Variants in RASGRP1 observed in about 807,000 individuals in gnomAD.
RASGRP1 encodes the protein RAS guanyl-releasing protein 1.
A neutral mutation model predicts 95.1 loss-of-function variants in RASGRP1; 37 were observed. The ratio of observed to expected loss-of-function variants is 0.39; its 90% CI spans 0.30 to 0.51. The LOEUF (loss-of-function observed/expected upper bound fraction) is 0.51. Among genes scored for constraint, RASGRP1 ranks in the 20% least tolerant of loss-of-function variants. The pLI is 0.80. For missense variants in RASGRP1, 711 were observed against 965.4 expected, an observed-to-expected ratio of 0.74 and a Z score of 3.49; for synonymous variants, 325 against 353.4, an observed-to-expected ratio of 0.92 and a Z score of 0.90.
In RASGRP1 at chr15:38,501,167, A is replaced by C. The variant is rs371852536; in HGVS notation, c.1659T>G (p.Thr553=). The change falls in exon 13 of 17, where the codon ACT becomes ACG. Residue 553 remains threonine (T), a synonymous_variant. Transcript: ENST00000310803. ...CAAATCCAGCACAGTTGTCACAAAAAGTGGGCTTCAGGTAGGTGGTCTCTT... is the reference window on the plus strand; with the variant it reads ...CAAATCCAGCACAGTTGTCACAAAACGTGGGCTTCAGGTAGGTGGTCTCTT... ...NFQETTYLKP[T]FCDNCAGFLW... 9 of 1,609,552 alleles carry C rather than the reference A, an allele frequency of 5.6e-6. No homozygotes were observed. The Admixed American group carries it at 6.7e-5, about 12-fold the overall frequency.
intron 15 of RASGRP1, among the ~76,000 whole-genome samples, chr15:38,496,588 C>T (rs1890799742): frequency 6.6e-6 from 1 of 152,158 alleles, no homozygotes; most frequent in Non-Finnish European, 1.5e-5. Context: ...CTATTTTTCA[C>T]AATGGTGTTT....
chr15:38,514,290 C>T (rs1225286935), intron 6 of RASGRP1, among the ~76,000 whole-genome samples: 1 of 152,038 alleles, frequency 6.6e-6, no homozygotes, highest in Non-Finnish European at 1.5e-5. Context: ...AAAATCGCTC[C>T]TTAAGAGAGA....
At chr15:38,505,149 A>G (rs530111189) in intron 10 of RASGRP1, among the ~76,000 whole-genome samples, 34 of 152,064 alleles carry the variant, frequency 2.2e-4, no homozygotes, top group Non-Finnish European at 4.4e-4. Context: ...AGTGTGGGCA[A>G]CTCTCTTCCC....
At position 38,490,498 on chromosome 15, in the gene RASGRP1, G is replaced by C. The variant is rs1314444422; in HGVS notation, c.*56C>G. ...AAGTTCCTCAGGTCTGTGCATTACAGTTTAGGAAATGAGATCACTATACTC... is the reference window on the plus strand; with the variant it reads ...AAGTTCCTCAGGTCTGTGCATTACACTTTAGGAAATGAGATCACTATACTC... On this transcript the variant is annotated 3_prime_UTR_variant, in exon 17 of 17. Transcript: ENST00000310803. 2 of 1,565,806 alleles carry C rather than the reference G, an allele frequency of 1.3e-6. No individual in the cohort carries two copies. The highest frequency in any genetic ancestry group is 3.7e-5 in the Admixed American group (2 of 54,126).
chr15:38,524,668 G>C (rs976819045), intron 3 of RASGRP1, among the ~76,000 whole-genome samples: 12 of 152,158 alleles, frequency 7.9e-5, no homozygotes, highest in African/African-American at 2.9e-4. Context: ...AAAGAGATTG[G>C]AGATAGTGAG....
chr15:38,557,197 C>T (rs1453859401), intron 2 of RASGRP1, among the ~76,000 whole-genome samples: 1 of 152,190 alleles, frequency 6.6e-6, no homozygotes, highest in Non-Finnish European at 1.5e-5. Context: ...GGGCTTTTCT[C>T]CCTCATAAAG....
chr15:38,551,737 G>A (rs1039614003), intron 2 of RASGRP1, among the ~76,000 whole-genome samples: 1 of 152,088 alleles, frequency 6.6e-6, no homozygotes, highest in Non-Finnish European at 1.5e-5. Flanking sequence ...TATAGTAAAT[G>A]ATATTCAAAG....
intron 2 of RASGRP1, among the ~76,000 whole-genome samples, chr15:38,527,666 T>TTTAAAG (rs56270602): frequency 0.92 from 139,208 of 151,904 alleles, 63,986 homozygotes; most frequent in Middle Eastern, 0.95. Context: ...TGTATTGCTC[T>TTTAAAG]TTATATTAAA....
chr15:38,494,851 T>C lies in RASGRP1; in HGVS notation c.1874-84A>G, dbSNP rs1890736210. Reference sequence around the variant, plus strand: ...TGAGACATTAGTTTCAATGAGACCTTTCTTATTGTTACTGGAGTTCCATAT... The same window carrying C: ...TGAGACATTAGTTTCAATGAGACCTCTCTTATTGTTACTGGAGTTCCATAT... On this transcript the variant is annotated intron_variant, in intron 15 of 16. Transcript: ENST00000310803. The C allele has an allele frequency of 4.3e-6, 5 of 1,159,126 alleles. No individual in the cohort carries two copies. The Admixed American group carries it at 1.8e-4, about 41-fold the overall frequency. The allele number at this position is 1,159,126 out of a possible 1,614,324, so 71.8% of individuals were successfully genotyped here. A position where few individuals can be genotyped will look rare whatever the true frequency, so the allele number is the denominator to read the frequency against.
intron 2 of RASGRP1, among the ~76,000 whole-genome samples, chr15:38,551,868 GCAAA>G (rs1475065048): frequency 6.6e-6 from 1 of 152,146 alleles, no homozygotes. Flanking sequence ...AATACAGTAG[GCAAA>G]CAAACTTATG....
chr15:38,512,277 G>T lies in RASGRP1; in HGVS notation c.849+506C>A, dbSNP rs182410209. On this transcript the variant is annotated intron_variant, in intron 7 of 16. Coordinates refer to ENST00000310803, the MANE Select transcript of RASGRP1 (RefSeq NM_005739.4). ...CCATGCAATGCCAGTGCCTATATAGGACAGTAACTGGGACAGAGAAGCTAG... is the reference window on the plus strand; with the variant it reads ...CCATGCAATGCCAGTGCCTATATAGTACAGTAACTGGGACAGAGAAGCTAG... 1.9e-4 allele frequency among the ~76,000 whole-genome samples: 29 copies of T among 152,298 alleles called. 2 individuals carry two copies. The East Asian group carries it at 5.6e-3, about 29-fold the overall frequency.
intron 2 of RASGRP1, among the ~76,000 whole-genome samples, chr15:38,531,368 AG>A (rs1892430728): frequency 2.0e-5 from 3 of 152,194 alleles, no homozygotes. Flanking sequence ...GTGGGAGCTG[AG>A]CTTTACGAAC....
At chr15:38,562,895 A>G (rs550835507) in intron 1 of RASGRP1, among the ~76,000 whole-genome samples, 66 of 152,348 alleles carry the variant, frequency 4.3e-4, no homozygotes, top group African/African-American at 1.5e-3. Flanking sequence ...TTGAAGGTTG[A>G]TGCTTTTACC....
rs1491248342 is a variant in RASGRP1, at chr15:38,515,787, C to CG, written c.675+409_675+410insC. On this transcript the variant is annotated intron_variant, in intron 6 of 16. Transcript: ENST00000310803. ...CTCTCCCCGCCCCCGCACCCCCCCC[C>CG]CTTTTTTTTTTTGAGGAAGATTTTA... Among the ~76,000 whole-genome samples, 172 of 146,804 alleles carry CG rather than the reference C, an allele frequency of 1.2e-3. 2 individuals are homozygous for CG. The highest frequency in any genetic ancestry group is 5.5e-3 in the South Asian group (25 of 4,566).
intron 4 of RASGRP1, among the ~76,000 whole-genome samples, chr15:38,519,044 A>G (rs1334236149): frequency 1.3e-5 from 2 of 152,208 alleles, no homozygotes; most frequent in African/African-American, 4.8e-5. Flanking sequence ...TTGTATAATT[A>G]AGAACAAAAA....
intron 2 of RASGRP1, among the ~76,000 whole-genome samples, chr15:38,540,091 T>C (rs1892806538): frequency 6.6e-6 from 1 of 151,894 alleles, no homozygotes; most frequent in African/African-American, 2.4e-5. Flanking sequence ...TAATTCTTTT[T>C]TATTATTATT....
At chr15:38,511,810 A>T in intron 7 of RASGRP1, 90 bp from the exon 8 acceptor site, 1 of 880,476 alleles carries the variant, frequency 1.1e-6, no homozygotes, top group South Asian at 1.5e-5. Context: ...CTGTGCCGTG[A>T]GTCTCCCTTA....
chr15:38,558,081 T>C (rs533467366), intron 2 of RASGRP1, among the ~76,000 whole-genome samples: 2 of 152,258 alleles, frequency 1.3e-5, no homozygotes, highest in African/African-American at 2.4e-5. Flanking sequence ...CCCTCTTTTT[T>C]CAATAGTGAA....
chr15:38,547,363 T>G (rs1282490849), intron 2 of RASGRP1, among the ~76,000 whole-genome samples: 1 of 152,090 alleles, frequency 6.6e-6, no homozygotes, highest in Admixed American at 6.5e-5. Flanking sequence ...TGCTGCAAAC[T>G]TAACACCCTC....
Sources: gnomAD v4.1 joint callset for allele counts (sites outside exome capture counted in the v4.1 genomes callset) on GRCh38, gnomAD v4.1.1 for gene constraint, MANE v1.5 for transcripts, NCBI Gene and HGNC (gene_info 2026-07-23, HGNC 2026-07-21) for gene names.